PLA2G4F: variants seen among roughly 807,000 people sequenced by gnomAD.
PLA2G4F encodes cytosolic phospholipase A2 zeta.
A neutral mutation model predicts 103.1 loss-of-function variants in PLA2G4F; 105 were observed. The ratio of observed to expected loss-of-function variants is 1.02; its 90% CI spans 0.87 to 1.20. PLA2G4F has a LOEUF of 1.20. PLA2G4F is among the 50% of genes most tolerant of loss of function. The probability of loss-of-function intolerance (pLI) is 0.00; values close to 1 mark genes in which losing one functional copy is unlikely to be tolerated. For missense variants in PLA2G4F, 1,155 were observed against 1,075.9 expected (o/e 1.07, Z -1.03); for synonymous variants, 468 against 441.1 (o/e 1.06, Z -0.76).
chr15:42,144,446 C>T lies in PLA2G4F; in HGVS notation c.1975+4G>A, dbSNP rs2048858823. On this transcript the variant is annotated splice_donor_region_variant and intron_variant, in intron 17 of 19. Transcript: ENST00000397272. Reference sequence around the variant, plus strand: ...CCCCATCTCCCACCCAAGGCAGCACCCACCTTTCCAGGCCACGAACTCCCT... The same window carrying T: ...CCCCATCTCCCACCCAAGGCAGCACTCACCTTTCCAGGCCACGAACTCCCT... 9 of 1,612,006 alleles carry T rather than the reference C, an allele frequency of 5.6e-6. No homozygotes were observed. In the East Asian group the frequency reaches 1.8e-4, roughly 32 times the overall value.
chr15:42,156,589 G>A lies in PLA2G4F; in HGVS notation c.-40C>T, dbSNP rs373752265. 1.9e-5 allele frequency: 27 copies of A among 1,415,782 alleles called. No individual in the cohort carries two copies. The highest frequency in any genetic ancestry group is 1.9e-4 in the Middle Eastern group (1 of 5,202). The allele number at this position is 1,415,782 out of a possible 1,614,324, so 87.7% of individuals were successfully genotyped here. Reference sequence around the variant, plus strand: ...GGCCCCAGCAGGGAACCCTGCCTGCGCTCCTCTGGTTGCACAAACTGCTGG... The same window carrying A: ...GGCCCCAGCAGGGAACCCTGCCTGCACTCCTCTGGTTGCACAAACTGCTGG... On this transcript the variant is annotated 5_prime_UTR_variant, in exon 1 of 20. Coordinates refer to ENST00000397272, the MANE Select transcript of PLA2G4F (RefSeq NM_213600.4).
rs2048828174 is a variant in PLA2G4F at position 42,141,743 on chromosome 15, A to G, written c.*241T>C. On this transcript the variant is annotated 3_prime_UTR_variant, in exon 20 of 20. Transcript: ENST00000397272. The stretch of plus-strand genomic sequence containing the variant: ...TGAGTGCTGTTCTCTTCTGCCCTAC[A>G]TCCCCAAGAGTCCCTGGAGCGATCT... The G allele has an allele frequency of 1.6e-6, 1 of 625,702 alleles. No individual in the cohort carries two copies. Among genetic ancestry groups the G allele is most frequent in the Non-Finnish European group, 2.9e-6 (1 of 340,512 alleles). 38.8% of individuals were successfully genotyped at this position (625,702 alleles called of 1,614,324 possible).
intron 18 of PLA2G4F, among the ~76,000 whole-genome samples, chr15:42,143,086 G>C (rs1045376785): frequency 6.7e-6 from 1 of 149,704 alleles, no homozygotes. Flanking sequence ...GGCTGAGGCA[G>C]GAGAATCATT....
At chr15:42,149,042 C>T (rs556444629) in intron 11 of PLA2G4F, 17 of 985,240 alleles carry the variant, frequency 1.7e-5, no homozygotes, top group Non-Finnish European at 2.0e-5. Flanking sequence ...CCTGTAAGTC[C>T]CTCTCTCAGC....
chr15:42,142,686 A>G lies in PLA2G4F; in HGVS notation c.2171T>C (p.Leu724Pro). 1 of 1,614,132 alleles carries G rather than the reference A, an allele frequency of 6.2e-7. No homozygotes were observed. The highest frequency in any genetic ancestry group is 8.5e-7 in the Non-Finnish European group (1 of 1,180,030). ...EVLKMTEKYCLDRGIPFPSIE... is the reference protein window; with the variant it reads ...EVLKMTEKYCPDRGIPFPSIE... ...GCTAGGGAAGGGGATTCCTCGGTCCAGGCAGTACTTCTCTGTCATCTTCAA... is the reference window on the plus strand; with the variant it reads ...GCTAGGGAAGGGGATTCCTCGGTCCGGGCAGTACTTCTCTGTCATCTTCAA... The change falls in exon 19 of 20, where the codon CTG (leucine) becomes CCG (proline). Residue 724 changes from leucine to proline, a missense_variant. This residue lies in a region of PLA2G4F where 782 missense variants were observed against 692.9 expected (regional missense o/e 1.13). Transcript: ENST00000397272.
chr15:42,148,052 G>A (rs777686453), intron 11 of PLA2G4F, among the ~76,000 whole-genome samples: 19 of 150,844 alleles, frequency 1.3e-4, no homozygotes, highest in Admixed American at 3.9e-4. Flanking sequence ...GGTGGTGGGC[G>A]CCTGCCTGTA....
At chr15:42,142,828 G>A (rs1256039197) in intron 18 of PLA2G4F, 114 bp from the exon 19 acceptor site, 3 of 1,114,570 alleles carry the variant, frequency 2.7e-6, no homozygotes, top group Admixed American at 4.7e-5. Context: ...CTAGCTGAGT[G>A]ACTTCAGGCA....
intron 19 of PLA2G4F, 46 bp downstream of exon 19, chr15:42,142,482 A>G: frequency 6.4e-7 from 1 of 1,550,552 alleles, no homozygotes; most frequent in Non-Finnish European, 8.8e-7. Flanking sequence ...TCCCATCACC[A>G]TCCCAGGGCT....
At chr15:42,155,687 T>G in intron 1 of PLA2G4F, 98 bp from the exon 2 acceptor site, 1 of 1,232,430 alleles carries the variant, frequency 8.1e-7, no homozygotes, top group Non-Finnish European at 1.2e-6. Context: ...CAACCTGGCA[T>G]AGGGTCACTG....
At chr15:42,153,538 C>G in intron 5 of PLA2G4F, 82 bp downstream of exon 5, 2 of 1,569,038 alleles carry the variant, frequency 1.3e-6, no homozygotes, top group Non-Finnish European at 1.8e-6. Context: ...AAGGCCAGTG[C>G]AGGACATGGT....
At chr15:42,146,817 A>C in intron 13 of PLA2G4F, 2 of 303,746 alleles carry the variant, frequency 6.6e-6, no homozygotes, top group Middle Eastern at 1.0e-3. Context: ...CATCCTGAGA[A>C]CAACTAAAAT....
intron 13 of PLA2G4F, 26 bp from the exon 14 acceptor site, chr15:42,146,267 T>C: frequency 1.2e-6 from 2 of 1,607,680 alleles, no homozygotes; most frequent in Non-Finnish European, 1.7e-6. Context: ...GGGAGGCAGC[T>C]TGGCCTTTCA....
intron 11 of PLA2G4F, chr15:42,148,870 G>A: frequency 1.0e-6 from 1 of 985,416 alleles, no homozygotes; most frequent in Non-Finnish European, 1.2e-6. Flanking sequence ...AGAAGGCGCT[G>A]TCGCTTCAGA....
rs933931623 is a variant in PLA2G4F at position 42,148,546 on chromosome 15, C to T, written c.1060-784G>A. The T allele has an allele frequency of 9.8e-6, 9 of 916,224 alleles. No individual in the cohort carries two copies. The Admixed American group carries it at 3.1e-4, about 32-fold the overall frequency. The allele number at this position is 916,224 out of a possible 1,614,324, so 56.8% of individuals were successfully genotyped here. On this transcript the variant is annotated intron_variant, in intron 11 of 19. Transcript: ENST00000397272. ...CCACCTCCCCTTTCCCCAGCAGCAA[C>T]AATGAAATCGATCTCTACACATGGA...
At chr15:42,152,796 C>A (rs2048974010) in intron 6 of PLA2G4F, 42 bp from the exon 7 acceptor site, 1 of 1,536,090 alleles carries the variant, frequency 6.5e-7, no homozygotes, top group Non-Finnish European at 8.8e-7. Context: ...CAGCCCACGG[C>A]CCCAGCCAGG....
At position 42,145,646 on chromosome 15, in the gene PLA2G4F, T is replaced by G; in HGVS notation, c.1709A>C (p.Glu570Ala). ...WGSAFATSLD[E>A]IFLKTAGSGL... ...CGAGCCGGCGGTCTTTAGGAAGATCTCATCCAGGCTGGTGGCAAAGGCGCT... is the reference window on the plus strand; with the variant it reads ...CGAGCCGGCGGTCTTTAGGAAGATCGCATCCAGGCTGGTGGCAAAGGCGCT... Residue 570 changes from glutamate (E) to alanine (A), a missense_variant, in exon 16 of 20, where the codon GAG (glutamate) becomes GCG (alanine). Transcript: ENST00000397272. 1 of 1,614,112 alleles carries G rather than the reference T, an allele frequency of 6.2e-7. No homozygotes were observed. The highest frequency in any genetic ancestry group is 2.2e-5 in the East Asian group (1 of 44,874).
intron 18 of PLA2G4F, 124 bp downstream of exon 18, chr15:42,143,853 CA>C (rs1361165669): frequency 3.1e-6 from 4 of 1,302,346 alleles, no homozygotes; most frequent in Non-Finnish European, 3.1e-6. Context: ...AGGCCGTCCA[CA>C]AAGGGCAATC....
At chr15:42,149,007 G>A in intron 11 of PLA2G4F, 1 of 985,340 alleles carries the variant, frequency 1.0e-6, no homozygotes, top group Non-Finnish European at 1.2e-6. Flanking sequence ...CAGCCTGGAG[G>A]AAGCCGGCAG....
chr15:42,149,563 T>G, intron 11 of PLA2G4F, 150 bp downstream of exon 11: 3 of 1,422,158 alleles, frequency 2.1e-6, no homozygotes, highest in Admixed American at 2.8e-5. Context: ...CCTGGTCCCA[T>G]ATGGGGTCCT....
Sources: allele counts gnomAD v4.1 joint callset (sites outside exome capture counted in the v4.1 genomes callset), GRCh38; gene constraint gnomAD v4.1.1; regional missense constraint gnomAD v4.1.1; transcripts MANE v1.5; gene names NCBI Gene and HGNC (gene_info 2026-07-23, HGNC 2026-07-21).